The following BBS9 variants were observed in gnomAD, a reference collection of about 807,000 sequenced individuals.
BBS9 encodes Bardet-Biedl syndrome 9.
BBS9 carries 89 observed loss-of-function variants against 117.7 expected under a neutral mutation model. That is an observed-to-expected ratio of 0.76 (90% CI 0.64 to 0.90). The LOEUF (loss-of-function observed/expected upper bound fraction) is 0.90. Ranked by LOEUF, BBS9 falls within the 40% of genes least tolerant of loss-of-function variation. The pLI, the probability that BBS9 is intolerant of heterozygous loss-of-function variation, is 0.00. For missense variants in BBS9, 982 were observed against 1,042.2 expected, an observed-to-expected ratio of 0.94 and a Z score of 0.80; for synonymous variants, 379 against 370.9, an observed-to-expected ratio of 1.02 and a Z score of -0.25.
intron 16 of BBS9, among the ~76,000 whole-genome samples, chr7:33,366,302 C>G (rs1821702095): frequency 6.6e-6 from 1 of 152,138 alleles, no homozygotes; most frequent in Non-Finnish European, 1.5e-5. Flanking sequence ...TTCTTTGTCA[C>G]TAGCCATCTG....
At position 33,469,940 on chromosome 7, in the gene BBS9, A is replaced by G. The variant is rs138168782; in HGVS notation, c.2116-35523A>G. Among the ~76,000 whole-genome samples the G allele has an allele frequency of 3.0e-3, 454 of 152,230 alleles. 8 individuals are homozygous for G. The highest frequency in any genetic ancestry group is 3.7e-3 in the East Asian group (19 of 5,180). ...TATCTTCTTTTTCTCTAGAGTATAT[A>G]CTTATGAGCACATTTAAGTTTTCTT... On this transcript the variant is annotated intron_variant, in intron 19 of 22. Coordinates refer to ENST00000242067, the MANE Select transcript of BBS9 (RefSeq NM_198428.3).
rs1828453806 is a variant in BBS9, at chr7:33,398,883, A to C, written c.2115+10739A>C. Among the ~76,000 whole-genome samples the C allele has an allele frequency of 3.3e-5, 5 of 152,268 alleles. No homozygotes were observed. The South Asian group carries it at 1.0e-3, about 32-fold the overall frequency. On this transcript the variant is annotated intron_variant, in intron 19 of 22. Coordinates refer to ENST00000242067, the MANE Select transcript of BBS9 (RefSeq NM_198428.3). The stretch of plus-strand genomic sequence containing the variant: ...GTATCTTTAGTAGAGACAGGCTTTC[A>C]CCATGTTGGCCAGGCAGGTCACAAA...
At chr7:33,587,334 G>C (rs143788011) in intron 21 of BBS9, among the ~76,000 whole-genome samples, 8 of 152,156 alleles carry the variant, frequency 5.3e-5, no homozygotes, top group African/African-American at 1.9e-4. Context: ...CCACAGAGCT[G>C]CTTCTTGGAG....
In BBS9 at chr7:33,383,730, T is replaced by C. The variant is rs757130264; in HGVS notation, c.1854T>C (p.Leu618=). 1 of 1,612,368 alleles carries C rather than the reference T, an allele frequency of 6.2e-7. No individual in the cohort carries two copies. Among genetic ancestry groups the C allele is most frequent in the Non-Finnish European group, 8.5e-7 (1 of 1,179,162 alleles). ...GGCTCATAACCAATGAGCTTATTCT[T>C]CGCCTTCAAGAATATTTTGAAAAAC... ...DLWLITNELI[L]RLQEYFEKQG... Residue 618 remains leucine, a synonymous_variant, in exon 18 of 23, where the codon CTT becomes CTC. Coordinates refer to ENST00000242067, the MANE Select transcript of BBS9 (RefSeq NM_198428.3).
At chr7:33,418,337 G>T (rs564272378) in intron 19 of BBS9, among the ~76,000 whole-genome samples, 49 of 152,282 alleles carry the variant, frequency 3.2e-4, no homozygotes, top group African/African-American at 1.2e-3. Flanking sequence ...GCGGAAGATT[G>T]ATGATGTATT....
intron 21 of BBS9, among the ~76,000 whole-genome samples, chr7:33,591,808 T>C (rs1032707256): frequency 7.9e-5 from 12 of 152,066 alleles, no homozygotes; most frequent in African/African-American, 2.9e-4. Context: ...TCAGTAGTAA[T>C]AGCACTGCTG....
At position 33,349,758 on chromosome 7, in the gene BBS9, C is replaced by A. The variant is rs540784527; in HGVS notation, c.1432+588C>A. ...TTTTTAGATACTAAAATTTAGAAGG[C>A]TTTCTTTATTGGTGTTTCTTTAGTG... is the stretch of plus-strand genomic sequence containing the variant. On this transcript the variant is annotated intron_variant, in intron 13 of 22. Coordinates refer to ENST00000242067, the MANE Select transcript of BBS9 (RefSeq NM_198428.3). 8.7e-4 allele frequency among the ~76,000 whole-genome samples: 132 copies of A among 152,208 alleles called. 2 individuals carry two copies. Among genetic ancestry groups the A allele is most frequent in the Non-Finnish European group, 1.5e-3 (105 of 68,022 alleles).
chr7:33,263,003 G>T (rs2128323134), intron 6 of BBS9, among the ~76,000 whole-genome samples: 1 of 152,228 alleles, frequency 6.6e-6, no homozygotes, highest in South Asian at 2.1e-4. Flanking sequence ...CACCTTATGA[G>T]TATAGATTAT....
chr7:33,449,345 G>C (rs1305011326), intron 19 of BBS9, among the ~76,000 whole-genome samples: 1 of 152,144 alleles, frequency 6.6e-6, no homozygotes, highest in Non-Finnish European at 1.5e-5. Context: ...GAATGGTACT[G>C]GCTACAGGCA....
intron 19 of BBS9, among the ~76,000 whole-genome samples, chr7:33,442,248 T>C (rs1163289855): frequency 6.6e-6 from 1 of 152,168 alleles, no homozygotes; most frequent in East Asian, 1.9e-4. Context: ...GTTGAATCCA[T>C]GAACACTTGG....
At chr7:33,426,698 A>G (rs1286870005) in intron 19 of BBS9, among the ~76,000 whole-genome samples, 1 of 152,032 alleles carries the variant, frequency 6.6e-6, no homozygotes, top group Admixed American at 6.6e-5. Context: ...TTAAAAAACT[A>G]TGTTTACTAT....
At chr7:33,405,547 T>C (rs140462019) in intron 19 of BBS9, among the ~76,000 whole-genome samples, 3,954 of 152,304 alleles carry the variant, frequency 0.026, 175 homozygotes, top group African/African-American at 0.091. Context: ...ATTCAGAGAT[T>C]CAACTTCTTC....
chr7:33,342,320 G>GTAGT (rs1816735886), intron 11 of BBS9, among the ~76,000 whole-genome samples: 1 of 152,068 alleles, frequency 6.6e-6, no homozygotes. Context: ...CCTGAAGGGT[G>GTAGT]TAGTCTAAGT....
intron 4 of BBS9, among the ~76,000 whole-genome samples, chr7:33,165,791 G>C (rs754830995): frequency 4.0e-4 from 61 of 152,042 alleles, no homozygotes; most frequent in Admixed American, 1.2e-3. Context: ...TCCTCCTTTA[G>C]CTTGGAGAAG....
intron 21 of BBS9, among the ~76,000 whole-genome samples, chr7:33,599,310 C>T (rs1863426248): frequency 6.6e-6 from 1 of 152,124 alleles, no homozygotes; most frequent in South Asian, 2.1e-4. Flanking sequence ...TCTTTGGCCC[C>T]AGGGATATAT....
intron 5 of BBS9, among the ~76,000 whole-genome samples, chr7:33,251,695 T>C (rs1796250695): frequency 6.6e-6 from 1 of 152,254 alleles, no homozygotes. Context: ...TTTCCACTGC[T>C]AGGTCTAGTT....
At chr7:33,197,493 A>G (rs1239792771) in intron 5 of BBS9, among the ~76,000 whole-genome samples, 2 of 152,028 alleles carry the variant, frequency 1.3e-5, no homozygotes, top group Admixed American at 1.3e-4. Flanking sequence ...CAGTCTCTAC[A>G]TGGAAACTTG....
intron 1 of BBS9, among the ~76,000 whole-genome samples, chr7:33,134,741 C>G (rs1307660308): frequency 1.3e-5 from 2 of 152,194 alleles, no homozygotes; most frequent in African/African-American, 4.8e-5. Context: ...GGATTATAGG[C>G]ACACACAACC....
At chr7:33,506,477 G>A (rs111565754) in intron 20 of BBS9, among the ~76,000 whole-genome samples, 17 of 152,228 alleles carry the variant, frequency 1.1e-4, no homozygotes, top group African/African-American at 4.1e-4. Context: ...TTAGGTACCA[G>A]GTGTTAAGTG....
Sources: allele counts gnomAD v4.1 joint callset (sites outside exome capture counted in the v4.1 genomes callset), GRCh38; gene constraint gnomAD v4.1.1; transcripts MANE v1.5; gene names NCBI Gene and HGNC (gene_info 2026-07-23, HGNC 2026-07-21).